Variants in RARB observed in about 807,000 individuals in gnomAD.
The protein encoded by RARB is retinoic acid receptor beta.
RARB carries 17 observed loss-of-function variants against 51.9 expected under a neutral mutation model. The ratio of observed to expected loss-of-function variants is 0.33; its 90% CI spans 0.22 to 0.49. The LOEUF (loss-of-function observed/expected upper bound fraction) is 0.49. Ranked by LOEUF, RARB falls within the 20% of genes least tolerant of loss-of-function variation. The pLI is 0.99. For missense variants in RARB, 369 were observed against 550.8 expected (o/e 0.67, Z 3.30); for synonymous variants, 215 against 195.4 (o/e 1.10, Z -0.84).
At chr3:25,166,045 A>G (rs1253443427) in intron 4 of RARB, among the ~76,000 whole-genome samples, 3 of 152,058 alleles carry the variant, frequency 2.0e-5, no homozygotes, top group African/African-American at 7.2e-5. Flanking sequence ...GAAGCTATTT[A>G]GATTTCATCC....
intron 5 of RARB, among the ~76,000 whole-genome samples, chr3:25,342,921 G>A (rs927474834): frequency 3.3e-5 from 5 of 152,050 alleles, no homozygotes; most frequent in Non-Finnish European, 7.4e-5. Flanking sequence ...TTTGTGGTGA[G>A]TATCAGAAAA....
intron 3 of RARB, among the ~76,000 whole-genome samples, chr3:25,088,936 T>C (rs895569219): frequency 2.0e-4 from 30 of 152,092 alleles, no homozygotes; most frequent in Admixed American, 1.3e-4. Flanking sequence ...TATCACAATG[T>C]AGCTTGCAGA....
chr3:25,565,754 G>A (rs1040903611), intron 3 of RARB, among the ~76,000 whole-genome samples: 8 of 152,164 alleles, frequency 5.3e-5, no homozygotes, highest in South Asian at 2.1e-4. Context: ...TTTCCCCCAC[G>A]GAAGGGCCTT....
chr3:25,210,909 T>C (rs1266134195), intron 5 of RARB, among the ~76,000 whole-genome samples: 1 of 152,134 alleles, frequency 6.6e-6, no homozygotes, highest in African/African-American at 2.4e-5. Context: ...CACTCAATAT[T>C]ATTTTTTAAT....
At chr3:24,831,045 C>T (rs4432599) in intron 1 of RARB, among the ~76,000 whole-genome samples, 135,172 of 152,158 alleles carry the variant, frequency 0.89, 60,063 homozygotes, top group South Asian at 0.92. Flanking sequence ...TTTTAGATAG[C>T]CTCCTTTGAC....
chr3:25,025,927 T>C (rs1332526424), intron 2 of RARB, among the ~76,000 whole-genome samples: 1 of 152,172 alleles, frequency 6.6e-6, no homozygotes, highest in Non-Finnish European at 1.5e-5. Context: ...GCTATTTTTA[T>C]GGCTTAAAAA....
rs541830755 is a variant in RARB at position 25,377,518 on chromosome 3, T to C, written c.179-83675T>C. On this transcript the variant is annotated intron_variant, in intron 5 of 11. Coordinates refer to the RARB transcript ENST00000383772. ...AAGTACAGTAGTAGAAAATAGCTTT[T>C]CTTAACCAGATAAAAATTACCAACC... Among the ~76,000 whole-genome samples the C allele has an allele frequency of 2.0e-4, 30 of 152,324 alleles. No homozygotes were observed. In the South Asian group the frequency reaches 6.2e-3, roughly 32 times the overall value.
chr3:25,171,485 TAA>T (rs10559921), intron 4 of RARB, among the ~76,000 whole-genome samples: 693 of 9,888 alleles, frequency 0.07, 6 homozygotes, highest in Non-Finnish European at 0.084. Flanking sequence ...ATAAGCAGTT[TAA>T]AAAAAAAAAA....
chr3:25,315,210 A>C (rs994179343), intron 5 of RARB, among the ~76,000 whole-genome samples: 4 of 152,146 alleles, frequency 2.6e-5, no homozygotes, highest in Non-Finnish European at 4.4e-5. Context: ...TGCAAAAAAA[A>C]CTGTGAATGA....
intron 4 of RARB, among the ~76,000 whole-genome samples, chr3:25,136,655 A>C (rs1022876062): frequency 6.6e-6 from 1 of 152,076 alleles, no homozygotes; most frequent in Non-Finnish European, 1.5e-5. Flanking sequence ...CATATGCCAC[A>C]TACCTTCAAT....
intron 2 of RARB, among the ~76,000 whole-genome samples, chr3:25,034,176 G>C (rs573787527): frequency 2.0e-5 from 3 of 152,176 alleles, no homozygotes; most frequent in Non-Finnish European, 2.9e-5. Context: ...TGGATGTGGT[G>C]GCGTATGCCT....
At chr3:25,413,978 C>T (rs1707635605) in intron 5 of RARB, among the ~76,000 whole-genome samples, 1 of 152,156 alleles carries the variant, frequency 6.6e-6, no homozygotes, top group African/African-American at 2.4e-5. Context: ...ACCTGTGAAA[C>T]CATTACCATA....
chr3:24,831,345 G>A (rs1025885284), intron 1 of RARB, among the ~76,000 whole-genome samples: 1 of 152,104 alleles, frequency 6.6e-6, no homozygotes, highest in Non-Finnish European at 1.5e-5. Flanking sequence ...TCGTATTTAC[G>A]CCATTAACGA....
rs192386689 is a variant in RARB at position 25,340,663 on chromosome 3, C to T, written c.179-120530C>T. 5.5e-4 allele frequency among the ~76,000 whole-genome samples: 83 copies of T among 152,256 alleles called. 1 individual carries two copies. The highest frequency in any genetic ancestry group is 2.4e-3 in the Admixed American group (36 of 15,284). On this transcript the variant is annotated intron_variant, in intron 5 of 11. Transcript: ENST00000383772. ...AAATACTTTGCCTCACTTCAGCATT[C>T]CTATTCTTGGCAGTTGATTTGGCTA... is the stretch of plus-strand genomic sequence containing the variant.
intron 5 of RARB, among the ~76,000 whole-genome samples, chr3:25,203,366 AGGT>A (rs1225280807): frequency 5.9e-5 from 9 of 152,238 alleles, no homozygotes; most frequent in Non-Finnish European, 1.2e-4. Context: ...GGACACTGAC[AGGT>A]CTTGACTCTT....
intron 5 of RARB, among the ~76,000 whole-genome samples, chr3:25,396,347 G>C (rs1403337570): frequency 1.3e-5 from 2 of 152,234 alleles, no homozygotes; most frequent in Non-Finnish European, 2.9e-5. Context: ...GGTTGTACTA[G>C]CCGTGGAGTT....
rs1705299575 is a variant in RARB at position 25,343,639 on chromosome 3, G to A, written c.179-117554G>A. On this transcript the variant is annotated intron_variant, in intron 5 of 11. Transcript: ENST00000383772. ...ACATTCTTTAATTTGAGCAATATTG[G>A]ATTAAATAGTTACAGTGTTTGATAC... is the stretch of plus-strand genomic sequence containing the variant. Among the ~76,000 whole-genome samples, 3 of 152,090 alleles carry A rather than the reference G, an allele frequency of 2.0e-5. No homozygotes were observed. The South Asian group carries it at 6.2e-4, about 32-fold the overall frequency.
chr3:24,988,548 T>C (rs1438928192), intron 2 of RARB, among the ~76,000 whole-genome samples: 1 of 152,188 alleles, frequency 6.6e-6, no homozygotes, highest in African/African-American at 2.4e-5. Flanking sequence ...AGTTGGGAAG[T>C]ATACTTCTGG....
At chr3:25,086,444 T>C (rs1384230806) in intron 3 of RARB, among the ~76,000 whole-genome samples, 1 of 152,172 alleles carries the variant, frequency 6.6e-6, no homozygotes. Context: ...CAGAAAAATT[T>C]TTTAACTTAT....
Sources: allele counts gnomAD v4.1 joint callset (sites outside exome capture counted in the v4.1 genomes callset), GRCh38; gene constraint gnomAD v4.1.1; transcripts MANE v1.5; gene names NCBI Gene and HGNC (gene_info 2026-07-23, HGNC 2026-07-21).